The following BCL11B variants were observed in gnomAD, a reference collection of about 807,000 sequenced individuals.
The protein encoded by BCL11B is B-cell lymphoma/leukemia 11B.
In BCL11B, 8 loss-of-function variants were observed where a neutral mutation model predicts 49.9. That is an observed-to-expected ratio of 0.16 (90% confidence interval 0.09 to 0.29). BCL11B has a LOEUF of 0.29. Among genes scored for constraint, BCL11B ranks in the 10% least tolerant of loss-of-function variants. BCL11B has a pLI of 1.00. For missense variants in BCL11B, 1,006 were observed against 1,351.0 expected, an observed-to-expected ratio of 0.74 and a Z score of 4.00; for synonymous variants, 739 against 637.4, an observed-to-expected ratio of 1.16 and a Z score of -2.40.
At chr14:99,191,562 A>C (rs1329331827) in intron 3 of BCL11B, among the ~76,000 whole-genome samples, 2 of 152,192 alleles carry the variant, frequency 1.3e-5, no homozygotes, top group African/African-American at 4.8e-5. Flanking sequence ...AGTCAATTTC[A>C]TCATTGTAGA....
chr14:99,252,951 C>T (rs1889050414), intron 2 of BCL11B, among the ~76,000 whole-genome samples: 1 of 152,240 alleles, frequency 6.6e-6, no homozygotes, highest in African/African-American at 2.4e-5. Flanking sequence ...ATGGTTTTGA[C>T]CAAGAAAAAC....
chr14:99,230,707 T>A (rs1323872743), intron 3 of BCL11B, among the ~76,000 whole-genome samples: 1 of 152,172 alleles, frequency 6.6e-6, no homozygotes, highest in Non-Finnish European at 1.5e-5. Context: ...GAGAGCAGGA[T>A]GAGTCGGCAC....
At position 99,232,740 on chromosome 14, in the gene BCL11B, T is replaced by C. The variant is rs146457501; in HGVS notation, c.428-1183A>G. 0.014 allele frequency among the ~76,000 whole-genome samples: 2,109 copies of C among 152,316 alleles called. 21 individuals are homozygous for C. Among genetic ancestry groups the C allele is most frequent in the South Asian group, 0.059 (284 of 4,824 alleles). On this transcript the variant is annotated intron_variant, in intron 2 of 3. Coordinates refer to ENST00000357195, the MANE Select transcript of BCL11B (RefSeq NM_138576.4). The surrounding 1 kb of genome is among the most constrained non-coding windows in gnomAD (Gnocchi z 5.1). ...CCCATTGCACAGACCAGGAAACTGA[T>C]GGCGTGACTGCAGAAAACTGCAGAC...
chr14:99,214,453 G>C (rs1043045284), intron 3 of BCL11B, among the ~76,000 whole-genome samples: 1 of 151,848 alleles, frequency 6.6e-6, no homozygotes, highest in African/African-American at 2.4e-5. Context: ...AGCTACTTAG[G>C]AGGCTGAGAC....
chr14:99,204,496 C>T (rs1234342423), intron 3 of BCL11B, among the ~76,000 whole-genome samples: 2 of 152,154 alleles, frequency 1.3e-5, no homozygotes, highest in Non-Finnish European at 2.9e-5. Context: ...TTTGCTCCCC[C>T]AGCCCTATCA....
chr14:99,187,963 T>C (rs193244275), intron 3 of BCL11B, among the ~76,000 whole-genome samples: 73 of 152,312 alleles, frequency 4.8e-4, no homozygotes, highest in Non-Finnish European at 7.1e-4. Context: ...AAGGAGATAA[T>C]TGACGTTATG....
rs1027972631 is a variant in BCL11B, at chr14:99,228,111, G to A, written c.640+3234C>T. On this transcript the variant is annotated intron_variant, in intron 3 of 3. Transcript: ENST00000357195. The surrounding 1 kb of genome is among the most constrained non-coding windows in gnomAD (Gnocchi z 4.8). Reference sequence around the variant, plus strand: ...CACGCAATTAACCTGTGTGAAACACGTTTACACTGGGGTTCTCCATGTTAA... The same window carrying A: ...CACGCAATTAACCTGTGTGAAACACATTTACACTGGGGTTCTCCATGTTAA... Among the ~76,000 whole-genome samples the A allele has an allele frequency of 2.4e-4, 37 of 152,322 alleles. No individual in the cohort carries two copies. Among genetic ancestry groups the A allele is most frequent in the Non-Finnish European group, 1.8e-4 (12 of 68,036 alleles).
At chr14:99,207,267 C>T (rs928240900) in intron 3 of BCL11B, among the ~76,000 whole-genome samples, 1 of 152,048 alleles carries the variant, frequency 6.6e-6, no homozygotes, top group South Asian at 2.1e-4. Context: ...AATGACAAAG[C>T]GAAAAAATAC....
At chr14:99,207,559 C>T (rs1022193821) in intron 3 of BCL11B, among the ~76,000 whole-genome samples, 3 of 152,250 alleles carry the variant, frequency 2.0e-5, no homozygotes, top group Admixed American at 2.0e-4. Flanking sequence ...CTCCTGTGCA[C>T]CCTGGGTGCT....
chr14:99,191,869 T>C (rs1887040249), intron 3 of BCL11B, among the ~76,000 whole-genome samples: 1 of 152,180 alleles, frequency 6.6e-6, no homozygotes, highest in Admixed American at 6.5e-5. Context: ...ATATACTTCC[T>C]GAAGTCAAAG....
At chr14:99,177,338 C>G (rs559161107) in intron 3 of BCL11B, among the ~76,000 whole-genome samples, 2 of 151,778 alleles carry the variant, frequency 1.3e-5, no homozygotes, top group African/African-American at 4.8e-5. Context: ...AGCGAACACT[C>G]GTGGTATGGA....
rs1366848742 is a variant in BCL11B at position 99,171,662 on chromosome 14, T to A, written c.*2489A>T. 1 of 209,118 alleles carries A rather than the reference T, an allele frequency of 4.8e-6. No homozygotes were observed. Among genetic ancestry groups the A allele is most frequent in the East Asian group, 7.3e-5 (1 of 13,758 alleles). 13.0% of individuals were successfully genotyped at this position (209,118 alleles called of 1,614,324 possible). A position where few individuals can be genotyped will look rare whatever the true frequency, so the allele number is the denominator to read the frequency against. On this transcript the variant is annotated 3_prime_UTR_variant, in exon 4 of 4. Transcript: ENST00000357195. ...CAATATTAAGCACTTTTTTTCTACA[T>A]ACTTTTTCTACATGGTGTAGCAATC... is the stretch of plus-strand genomic sequence containing the variant.
In BCL11B at chr14:99,175,675, A is replaced by T. The variant is rs752763614; in HGVS notation, c.1161T>A (p.Pro387=). 6.5e-7 allele frequency: 1 copy of T among 1,542,076 alleles called. No homozygotes were observed. ...PPPVSPGRGN[P]MHRLLNPFQP... The stretch of plus-strand genomic sequence containing the variant: ...GGAAGGGGTTCAGGAGCCGGTGCAT[A>T]GGGTTGCCGCGGCCCGGGGACACGG... The change falls in exon 4 of 4, where the codon CCT becomes CCA. Residue 387 remains proline (P), a synonymous_variant. Coordinates refer to ENST00000357195, the MANE Select transcript of BCL11B (RefSeq NM_138576.4).
At chr14:99,201,392 C>T (rs1174343403) in intron 3 of BCL11B, among the ~76,000 whole-genome samples, 4 of 152,154 alleles carry the variant, frequency 2.6e-5, no homozygotes, top group Non-Finnish European at 5.9e-5. Flanking sequence ...TGAAGGCCTG[C>T]GGCAACATGA....
At position 99,175,959 on chromosome 14, in the gene BCL11B, G is replaced by A. The variant is rs866534162; in HGVS notation, c.877C>T (p.Arg293Cys). 1 of 1,473,690 alleles carries A rather than the reference G, an allele frequency of 6.8e-7. No individual in the cohort carries two copies. The highest frequency in any genetic ancestry group is 9.0e-7 in the Non-Finnish European group (1 of 1,112,632). The allele number at this position is 1,473,690 out of a possible 1,614,324, so 91.3% of individuals were successfully genotyped here. ...LGDSNPFNLL[R>C]MTGPILRDHP... The stretch of plus-strand genomic sequence containing the variant: ...TCCCGCAGGATGGGGCCCGTCATGC[G>A]CAGCAGGTTGAAGGGGTTGCTGTCG... The change falls in exon 4 of 4, where the codon CGC becomes TGC. Residue 293 changes from arginine to cysteine, a missense_variant. Around this residue, in one of 6 missense-constraint regions of BCL11B, gnomAD observed 411 missense variants for 542.2 expected, o/e 0.76. Coordinates refer to ENST00000357195, the MANE Select transcript of BCL11B (RefSeq NM_138576.4).
At chr14:99,261,561 C>G (rs1462524484) in intron 1 of BCL11B, among the ~76,000 whole-genome samples, 1 of 152,162 alleles carries the variant, frequency 6.6e-6, no homozygotes, top group Admixed American at 6.5e-5. Context: ...TTCAAATTCC[C>G]AGACCCTACA....
intron 3 of BCL11B, among the ~76,000 whole-genome samples, chr14:99,215,530 T>C (rs1324450215): frequency 1.3e-5 from 2 of 152,224 alleles, no homozygotes; most frequent in Non-Finnish European, 2.9e-5. Context: ...TTAAGACTAA[T>C]TCCAGCATGC....
chr14:99,258,445 C>G (rs1390356925), intron 1 of BCL11B, among the ~76,000 whole-genome samples: 1 of 151,938 alleles, frequency 6.6e-6, no homozygotes, highest in Admixed American at 6.5e-5. Context: ...CCCATTCATG[C>G]GAATCCCACT....
At chr14:99,211,663 C>A (rs144793095) in intron 3 of BCL11B, among the ~76,000 whole-genome samples, 5 of 151,978 alleles carry the variant, frequency 3.3e-5, no homozygotes, top group Non-Finnish European at 7.4e-5. Flanking sequence ...TCGAGTCCAT[C>A]GTCCTTACTT....
Sources: allele counts gnomAD v4.1 joint callset (sites outside exome capture counted in the v4.1 genomes callset), GRCh38; gene constraint gnomAD v4.1.1; regional missense constraint gnomAD v4.1.1; non-coding constraint Gnocchi (gnomAD v3.1); transcripts MANE v1.5; gene names NCBI Gene and HGNC (gene_info 2026-07-23, HGNC 2026-07-21).